Variants in ASPH observed in about 807,000 individuals in gnomAD.
ASPH encodes the protein aspartate beta-hydroxylase, also known as aspartyl/asparaginyl beta-hydroxylase.
Under a neutral mutation model 118.4 loss-of-function variants are expected in ASPH, and 100 were observed. That is an observed-to-expected ratio of 0.84 (90% confidence interval 0.72 to 1.00). ASPH has a LOEUF of 1.00. Ranked by LOEUF, ASPH falls within the 50% of genes least tolerant of loss-of-function variation. ASPH has a pLI of 0.00. For synonymous variants in ASPH, 315 were observed against 325.6 expected (o/e 0.97, Z 0.35); for missense variants, 920 against 919.5 (o/e 1.00, Z -0.01).
At chr8:61,606,631 T>C (rs999931456) in intron 14 of ASPH, 5 of 152,130 alleles carry the variant, frequency 3.3e-5, no homozygotes, top group African/African-American at 1.2e-4. Context: ...TTTCATTAAA[T>C]TATCATGAAG....
intron 3 of ASPH, chr8:61,676,331 TAAA>T: frequency 6.4e-7 from 1 of 1,569,060 alleles, no homozygotes; most frequent in South Asian, 1.2e-5. Flanking sequence ...TACATAAGAA[TAAA>T]GGAAGAGAGA....
In ASPH at chr8:61,638,365, T is replaced by C; in HGVS notation, c.791-2A>G. 7.5e-7 allele frequency: 1 copy of C among 1,341,066 alleles called. No homozygotes were observed. The highest frequency in any genetic ancestry group is 1.0e-6 in the Non-Finnish European group (1 of 981,036). 83.1% of individuals were successfully genotyped at this position (1,341,066 alleles called of 1,614,324 possible). A position where few individuals can be genotyped will look rare whatever the true frequency, so the allele number is the denominator to read the frequency against. ...CATTTTCTAGAGGTTCATATACTGC[T>C]AAAAAAAAAAAAACAGAAACAAAAT... On this transcript the variant is annotated splice_acceptor_variant, in intron 10 of 24. Coordinates refer to ENST00000379454, the MANE Select transcript of ASPH (RefSeq NM_004318.4). LOFTEE classifies it high-confidence loss of function.
chr8:61,713,697 T>C (rs905466458), intron 1 of ASPH, among the ~76,000 whole-genome samples: 2 of 152,240 alleles, frequency 1.3e-5, no homozygotes, highest in Non-Finnish European at 2.9e-5. Context: ...CATGACATTC[T>C]ATTTTAAAGG....
chr8:61,595,688 A>C (rs1587837140), intron 14 of ASPH, among the ~76,000 whole-genome samples: 1 of 152,132 alleles, frequency 6.6e-6, no homozygotes, highest in Admixed American at 6.5e-5. Context: ...ATAAAAGCAG[A>C]CAGAGAGAAT....
At chr8:61,675,264 GATGA>G in intron 3 of ASPH, 1 of 883,726 alleles carries the variant, frequency 1.1e-6, no homozygotes, top group Non-Finnish European at 1.4e-6. Context: ...ACTTATTTAG[GATGA>G]ATAATTTTAA....
intron 16 of ASPH, among the ~76,000 whole-genome samples, chr8:61,575,824 C>T (rs543877699): frequency 2.6e-5 from 4 of 152,322 alleles, no homozygotes; most frequent in East Asian, 1.9e-4. Flanking sequence ...TCCAGAGCCA[C>T]GCCTCCTCGA....
chr8:61,639,884 AAGC>A (rs1322127962), intron 10 of ASPH, among the ~76,000 whole-genome samples: 1 of 152,158 alleles, frequency 6.6e-6, no homozygotes, highest in Admixed American at 6.5e-5. Flanking sequence ...CAGGCTGCAG[AAGC>A]AGAAGAGTGT....
At position 61,526,123 on chromosome 8, in the gene ASPH, G is replaced by A. The variant is rs1815220485; in HGVS notation, c.1765-11C>T. 3 of 1,613,634 alleles carry A rather than the reference G, an allele frequency of 1.9e-6. No homozygotes were observed. The highest frequency in any genetic ancestry group is 2.5e-6 in the Non-Finnish European group (3 of 1,179,804). ...GTTTCTTTCTAAAGACTAGAGGGAA[G>A]ATTCTGGCTTTACTGGACTGAAAAA... On this transcript the variant is annotated splice_polypyrimidine_tract_variant and intron_variant, in intron 21 of 24. Transcript: ENST00000379454.
chr8:61,585,396 G>A (rs897593423), intron 14 of ASPH, among the ~76,000 whole-genome samples: 6 of 152,222 alleles, frequency 3.9e-5, no homozygotes, highest in South Asian at 2.1e-4. Context: ...GGATAGAGAC[G>A]AATTAAAACA....
intron 13 of ASPH, chr8:61,632,762 C>A: frequency 3.6e-6 from 1 of 277,612 alleles, no homozygotes; most frequent in Non-Finnish European, 7.2e-6. Context: ...ATTATTTTAT[C>A]CTTTTTTATC....
chr8:61,628,417 C>T (rs911284829), intron 13 of ASPH: 2 of 297,304 alleles, frequency 6.7e-6, no homozygotes, highest in African/African-American at 4.7e-5. Context: ...AATCCTCCCA[C>T]CTTGGCACCC....
chr8:61,635,687 A>T (rs2150832987), intron 12 of ASPH, among the ~76,000 whole-genome samples: 2 of 152,000 alleles, frequency 1.3e-5, no homozygotes, highest in South Asian at 4.2e-4. Flanking sequence ...CAAATAAAAG[A>T]CCCCCTTTAT....
intron 14 of ASPH, among the ~76,000 whole-genome samples, chr8:61,608,849 C>T (rs1367757700): frequency 3.3e-5 from 5 of 152,184 alleles, no homozygotes; most frequent in Admixed American, 3.3e-4. Flanking sequence ...CCTCTTCATC[C>T]ACTGGGATCC....
intron 1 of ASPH, among the ~76,000 whole-genome samples, chr8:61,686,609 C>T (rs866873347): frequency 2.6e-5 from 4 of 152,088 alleles, no homozygotes; most frequent in Non-Finnish European, 4.4e-5. Flanking sequence ...CAGACATATG[C>T]GTACAAATCC....
chr8:61,519,535 C>T (rs1812184382), intron 22 of ASPH, among the ~76,000 whole-genome samples: 1 of 152,156 alleles, frequency 6.6e-6, no homozygotes, highest in Non-Finnish European at 1.5e-5. Context: ...CATCCCATAA[C>T]CTGTGAATAT....
intron 14 of ASPH, among the ~76,000 whole-genome samples, chr8:61,603,461 G>C (rs1844698950): frequency 6.6e-6 from 1 of 152,026 alleles, no homozygotes; most frequent in Admixed American, 6.6e-5. Context: ...ATACTGAATA[G>C]GAAAGGGCCA....
intron 16 of ASPH, 50 bp downstream of exon 16, chr8:61,576,722 A>G (rs1835277371): frequency 6.6e-7 from 1 of 1,516,542 alleles, no homozygotes; most frequent in Non-Finnish European, 9.0e-7. Flanking sequence ...CAATCACACA[A>G]AACACATGAA....
At chr8:61,549,485 A>G (rs1825103470) in intron 20 of ASPH, among the ~76,000 whole-genome samples, 1 of 152,186 alleles carries the variant, frequency 6.6e-6, no homozygotes, top group Non-Finnish European at 1.5e-5. Context: ...TTTCTTATTT[A>G]GTTATCTTTT....
intron 1 of ASPH, among the ~76,000 whole-genome samples, chr8:61,685,437 T>C (rs575915717): frequency 6.6e-6 from 1 of 152,304 alleles, no homozygotes; most frequent in East Asian, 1.9e-4. Context: ...ACTAAGAACA[T>C]ACTCTCATCT....
Sources: gnomAD v4.1 joint callset for allele counts (sites outside exome capture counted in the v4.1 genomes callset) on GRCh38, gnomAD v4.1.1 for gene constraint, MANE v1.5 for transcripts, NCBI Gene and HGNC (gene_info 2026-07-23, HGNC 2026-07-21) for gene names.